Variants in KIAA1217 observed in about 807,000 individuals in gnomAD.
The protein encoded by KIAA1217 is sickle tail protein homolog.
In KIAA1217, 88 loss-of-function variants were observed where a neutral mutation model predicts 163.9. The observed-to-expected ratio is 0.54, with a 90% confidence interval of 0.45 to 0.64. The LOEUF (loss-of-function observed/expected upper bound fraction) is 0.64, where lower values mean the gene tolerates loss of function less well. Ranked by LOEUF, KIAA1217 falls within the 30% of genes least tolerant of loss-of-function variation. The pLI is 0.00. For missense variants in KIAA1217, 2,372 were observed against 2,475.0 expected, an observed-to-expected ratio of 0.96 and a Z score of 0.88; for synonymous variants, 903 against 923.1, an observed-to-expected ratio of 0.98 and a Z score of 0.39.
intron 5 of KIAA1217, among the ~76,000 whole-genome samples, chr10:24,462,665 G>A (rs2062534575): frequency 6.6e-6 from 1 of 152,174 alleles, no homozygotes; most frequent in Non-Finnish European, 1.5e-5. Flanking sequence ...CCCATGAAAT[G>A]TCACAATTGA....
chr10:24,351,133 A>C (rs2134014115), intron 2 of KIAA1217, among the ~76,000 whole-genome samples: 1 of 152,262 alleles, frequency 6.6e-6, no homozygotes, highest in South Asian at 2.1e-4. Context: ...TTTTTAGTAG[A>C]GTTGGGGTTT....
rs146023413 is a variant in KIAA1217 at position 24,036,092 on chromosome 10, A to C, written c.-171+28718A>C. On this transcript the variant is annotated intron_variant, in intron 2 of 18. Coordinates refer to the KIAA1217 transcript ENST00000376462. The stretch of plus-strand genomic sequence containing the variant: ...CTGTGGCCTCGAACCAGCCCCAGGG[A>C]GGAGATCCCCAACAGCTGCCTCCTT... Among the ~76,000 whole-genome samples the C allele has an allele frequency of 2.4e-4, 37 of 152,318 alleles. No homozygotes were observed. In the South Asian group the frequency reaches 6.4e-3, roughly 26 times the overall value.
intron 2 of KIAA1217, among the ~76,000 whole-genome samples, chr10:24,301,777 G>A (rs552047473): frequency 1.1e-4 from 16 of 152,310 alleles, no homozygotes; most frequent in African/African-American, 3.8e-4. Flanking sequence ...AGGCGCAGTG[G>A]CTCATGCCTA....
intron 1 of KIAA1217, among the ~76,000 whole-genome samples, chr10:23,714,139 G>A (rs1398622431): frequency 6.6e-6 from 1 of 151,928 alleles, no homozygotes; most frequent in Non-Finnish European, 1.5e-5. Context: ...TATCCAATCA[G>A]TTGCTAAGAC....
intron 2 of KIAA1217, among the ~76,000 whole-genome samples, chr10:24,198,838 G>A (rs1384317793): frequency 6.6e-6 from 1 of 152,164 alleles, no homozygotes; most frequent in East Asian, 1.9e-4. Flanking sequence ...CTGAAGGTGT[G>A]AGTGAGTAAC....
At chr10:24,283,200 A>T (rs1194310023) in intron 2 of KIAA1217, among the ~76,000 whole-genome samples, 2 of 152,146 alleles carry the variant, frequency 1.3e-5, no homozygotes, top group African/African-American at 4.8e-5. Flanking sequence ...ATACTAAACC[A>T]TGCATAGACA....
chr10:24,153,323 C>T (rs1053121712), intron 2 of KIAA1217, among the ~76,000 whole-genome samples: 1 of 152,228 alleles, frequency 6.6e-6, no homozygotes, highest in Non-Finnish European at 1.5e-5. Context: ...GTGGTTATGT[C>T]TGTCTGGAAT....
intron 2 of KIAA1217, among the ~76,000 whole-genome samples, chr10:24,088,274 T>TATATATATATATATATATATATATATAC (rs1285415158): frequency 2.5e-4 from 27 of 107,232 alleles, no homozygotes; most frequent in African/African-American, 7.7e-4. Context: ...TATATATATA[T>TATATATATATATATATATATATATATAC]ACACACATAT....
intron 1 of KIAA1217, among the ~76,000 whole-genome samples, chr10:24,003,673 C>T (rs1431869320): frequency 6.6e-6 from 1 of 152,150 alleles, no homozygotes; most frequent in Non-Finnish European, 1.5e-5. Context: ...TTCACAACTG[C>T]TTTTCTCACA....
At chr10:23,773,600 G>A (rs1834889673) in intron 1 of KIAA1217, among the ~76,000 whole-genome samples, 1 of 152,200 alleles carries the variant, frequency 6.6e-6, no homozygotes, top group African/African-American at 2.4e-5. Context: ...CATGAGCACA[G>A]AATGTTCTTC....
intron 1 of KIAA1217, among the ~76,000 whole-genome samples, chr10:24,005,174 T>C (rs1056758580): frequency 6.6e-6 from 1 of 152,236 alleles, no homozygotes; most frequent in Non-Finnish European, 1.5e-5. Flanking sequence ...TTTAAAAGTG[T>C]TGGCTTATTC....
rs780459650 is a variant in KIAA1217 at position 24,524,654 on chromosome 10, T to C, written c.2788T>C (p.Ser930Pro). 6.2e-7 allele frequency: 1 copy of C among 1,614,194 alleles called. No individual in the cohort carries two copies. The highest frequency in any genetic ancestry group is 8.5e-7 in the Non-Finnish European group (1 of 1,180,036). ...PQEATSTLQM[S>P]QAPQSPQIPM... The stretch of plus-strand genomic sequence containing the variant: ...GGAAGCAACCTCCACTCTGCAGATG[T>C]CGCAGGCTCCGCAGTCCCCACAGAT... The change falls in exon 13 of 21, where the codon TCG becomes CCG. Residue 930 changes from serine (S) to proline (P), a missense_variant. By Grantham distance (74) the Ser-to-Pro change is moderately conservative (BLOSUM62 -1). Around this residue, in one of 3 missense-constraint regions of KIAA1217, gnomAD observed 1,431 missense variants for 1,470.3 expected, o/e 0.97. Transcript: ENST00000376454.
At chr10:23,790,459 A>C (rs1835811733) in intron 1 of KIAA1217, among the ~76,000 whole-genome samples, 1 of 113,628 alleles carries the variant, frequency 8.8e-6, no homozygotes, top group Admixed American at 9.5e-5. Context: ...ATACATGTGC[A>C]TATATACATA....
chr10:24,074,962 G>T (rs1046666284), intron 2 of KIAA1217, among the ~76,000 whole-genome samples: 1 of 152,114 alleles, frequency 6.6e-6, no homozygotes, highest in Non-Finnish European at 1.5e-5. Context: ...GTCTCCAAAA[G>T]TGCTGAGATT....
intron 2 of KIAA1217, among the ~76,000 whole-genome samples, chr10:24,343,969 T>C (rs2047410278): frequency 6.6e-6 from 1 of 152,228 alleles, no homozygotes; most frequent in Non-Finnish European, 1.5e-5. Context: ...AATTCTACGA[T>C]GTTTGAGTGA....
intron 1 of KIAA1217, among the ~76,000 whole-genome samples, chr10:23,846,139 G>T (rs1469316741): frequency 2.0e-5 from 3 of 152,124 alleles, no homozygotes; most frequent in Non-Finnish European, 4.4e-5. Context: ...CTGTAGCCTT[G>T]TAAGATAGTT....
intron 2 of KIAA1217, among the ~76,000 whole-genome samples, chr10:24,307,644 A>G (rs2042156398): frequency 1.3e-5 from 2 of 151,786 alleles, no homozygotes; most frequent in South Asian, 2.1e-4. Context: ...AGCCAGGCAT[A>G]GTGGCAACAT....
chr10:24,028,371 A>C (rs1047423394), intron 2 of KIAA1217, among the ~76,000 whole-genome samples: 3 of 152,172 alleles, frequency 2.0e-5, no homozygotes, highest in African/African-American at 7.2e-5. Flanking sequence ...AATGAATTAC[A>C]GCATATCAGA....
intron 1 of KIAA1217, among the ~76,000 whole-genome samples, chr10:23,849,263 C>T (rs1333037025): frequency 1.3e-5 from 2 of 152,054 alleles, no homozygotes; most frequent in East Asian, 3.9e-4. Context: ...TGGAAATGTG[C>T]TAGAAGCTTG....
Sources: allele counts gnomAD v4.1 joint callset (sites outside exome capture counted in the v4.1 genomes callset), GRCh38; gene constraint gnomAD v4.1.1; regional missense constraint gnomAD v4.1.1; transcripts MANE v1.5; gene names NCBI Gene and HGNC (gene_info 2026-07-23, HGNC 2026-07-21).